Variants in LTBP1 observed in about 807,000 individuals in gnomAD.
The protein encoded by LTBP1 is latent transforming growth factor beta binding protein 1.
Under a neutral mutation model 207.6 loss-of-function variants are expected in LTBP1, and 129 were observed. That is an observed-to-expected ratio of 0.62 (90% CI 0.54 to 0.72). LTBP1 has a LOEUF of 0.72. LTBP1 is among the 30% of genes least tolerant of loss of function. The pLI, the probability that LTBP1 is intolerant of heterozygous loss-of-function variation, is 0.00. For synonymous variants in LTBP1, 963 were observed against 833.7 expected (o/e 1.16, Z -2.67); for missense variants, 2,281 against 2,217.2 (o/e 1.03, Z -0.58).
intron 12 of LTBP1, among the ~76,000 whole-genome samples, chr2:33,258,894 T>A (rs529052466): frequency 4.7e-4 from 71 of 152,304 alleles, no homozygotes; most frequent in Non-Finnish European, 9.1e-4. Context: ...AGAACTAATA[T>A]GAAGGACTGA....
At chr2:33,016,703 G>GA (rs975935073) in intron 2 of LTBP1, among the ~76,000 whole-genome samples, 13 of 151,800 alleles carry the variant, frequency 8.6e-5, no homozygotes, top group Non-Finnish European at 1.9e-4. Flanking sequence ...CAACTGATGG[G>GA]AAAAAAAATA....
chr2:33,362,804 G>A (rs2094941695), intron 28 of LTBP1, among the ~76,000 whole-genome samples: 1 of 152,136 alleles, frequency 6.6e-6, no homozygotes, highest in African/African-American at 2.4e-5. Context: ...CCTATCCATG[G>A]ATTATCTCAT....
At chr2:33,192,368 G>A (rs1184919651) in intron 7 of LTBP1, among the ~76,000 whole-genome samples, 2 of 152,106 alleles carry the variant, frequency 1.3e-5, no homozygotes, top group Non-Finnish European at 2.9e-5. Context: ...AAGTGTTCTT[G>A]CCAAATATAT....
intron 7 of LTBP1, among the ~76,000 whole-genome samples, chr2:33,210,122 G>A (rs1445912798): frequency 6.6e-6 from 1 of 152,190 alleles, no homozygotes; most frequent in African/African-American, 2.4e-5. Context: ...TCTGTTTCCT[G>A]TTCATAATGT....
chr2:33,389,351 A>T (rs1278489269), intron 32 of LTBP1, 45 bp downstream of exon 32: 10 of 1,609,784 alleles, frequency 6.2e-6, no homozygotes, highest in African/African-American at 1.3e-5. Context: ...TTGTGGTTGA[A>T]GATTAATCAG....
chr2:33,270,406 G>A (rs975758782), intron 15 of LTBP1, among the ~76,000 whole-genome samples: 18 of 151,820 alleles, frequency 1.2e-4, no homozygotes, highest in South Asian at 6.2e-4. Flanking sequence ...TGGTTAACAC[G>A]ATGAAACCCC....
chr2:33,067,509 G>C (rs2077572927), intron 3 of LTBP1, among the ~76,000 whole-genome samples: 1 of 152,168 alleles, frequency 6.6e-6, no homozygotes, highest in Non-Finnish European at 1.5e-5. Flanking sequence ...ATATCCATGA[G>C]TTCTGCATCT....
intron 3 of LTBP1, among the ~76,000 whole-genome samples, chr2:33,085,614 C>A (rs1164654018): frequency 2.6e-5 from 4 of 152,184 alleles, no homozygotes; most frequent in African/African-American, 9.7e-5. Context: ...CTGACAATAA[C>A]CCTATGACAC....
At chr2:33,103,586 CGTGTGTGTGTGT>C (rs71407500) in intron 3 of LTBP1, among the ~76,000 whole-genome samples, 3 of 118,140 alleles carry the variant, frequency 2.5e-5, no homozygotes, top group Non-Finnish European at 3.8e-5. Flanking sequence ...TCTCCGTTTA[CGTGTGTGTGTGT>C]GTGTGTGTGT....
chr2:33,198,324 A>T (rs1028469482), intron 7 of LTBP1, among the ~76,000 whole-genome samples: 1 of 152,196 alleles, frequency 6.6e-6, no homozygotes, highest in African/African-American at 2.4e-5. Context: ...GGATTTTTGC[A>T]TCAATGTTCA....
intron 3 of LTBP1, among the ~76,000 whole-genome samples, chr2:33,104,931 C>T (rs1416897038): frequency 6.6e-6 from 1 of 152,160 alleles, no homozygotes; most frequent in Non-Finnish European, 1.5e-5. Context: ...AAATATCCTT[C>T]CAGTGGGCTT....
chr2:33,128,175 C>G (rs1284911684), intron 4 of LTBP1, among the ~76,000 whole-genome samples: 1 of 152,194 alleles, frequency 6.6e-6, no homozygotes, highest in African/African-American at 2.4e-5. Flanking sequence ...AGACATGCTT[C>G]TCCACATACA....
intron 5 of LTBP1, among the ~76,000 whole-genome samples, chr2:33,154,147 T>C (rs987111389): frequency 3.3e-5 from 5 of 152,224 alleles, no homozygotes; most frequent in African/African-American, 1.2e-4. Flanking sequence ...TGAATGTGCC[T>C]TTCTTTCCTG....
chr2:33,106,992 G>T (rs1376011551), intron 3 of LTBP1, among the ~76,000 whole-genome samples: 2 of 152,150 alleles, frequency 1.3e-5, no homozygotes, highest in East Asian at 1.9e-4. Flanking sequence ...GAACCTTTGT[G>T]TGGTCCCCTG....
chr2:33,376,704 C>G (rs1001809515), intron 31 of LTBP1, among the ~76,000 whole-genome samples: 1 of 152,176 alleles, frequency 6.6e-6, no homozygotes, highest in Non-Finnish European at 1.5e-5. Flanking sequence ...TATACATGCC[C>G]TCCCGTAGGA....
intron 3 of LTBP1, among the ~76,000 whole-genome samples, chr2:33,095,530 T>C (rs1309403039): frequency 6.6e-6 from 1 of 152,056 alleles, no homozygotes; most frequent in East Asian, 1.9e-4. Context: ...CTCCGCAAAA[T>C]AATATTCATG....
At chr2:32,980,461 C>G (rs1034393597) in intron 2 of LTBP1, among the ~76,000 whole-genome samples, 4 of 152,078 alleles carry the variant, frequency 2.6e-5, no homozygotes, top group Non-Finnish European at 5.9e-5. Flanking sequence ...ATAACTTTAA[C>G]TTTCAAGCAA....
At chr2:33,357,033 G>A (rs1027001549) in intron 26 of LTBP1, among the ~76,000 whole-genome samples, 1 of 152,164 alleles carries the variant, frequency 6.6e-6, no homozygotes, top group Non-Finnish European at 1.5e-5. Context: ...AAAACCTTCA[G>A]AACACATTGT....
At chr2:33,076,694 G>A (rs778015405) in intron 3 of LTBP1, among the ~76,000 whole-genome samples, 1 of 151,938 alleles carries the variant, frequency 6.6e-6, no homozygotes, top group Admixed American at 6.6e-5. Context: ...GCACCACCAC[G>A]CCGAGCTAGT....
Sources: allele counts gnomAD v4.1 joint callset (sites outside exome capture counted in the v4.1 genomes callset), GRCh38; gene constraint gnomAD v4.1.1; transcripts MANE v1.5; gene names NCBI Gene and HGNC (gene_info 2026-07-23, HGNC 2026-07-21).